FAM13A: variants seen among roughly 807,000 people sequenced by gnomAD.
FAM13A encodes protein FAM13A.
In FAM13A, 76 loss-of-function variants were observed where a neutral mutation model predicts 129.6. The observed-to-expected ratio is 0.59, with a 90% CI of 0.49 to 0.71. FAM13A has a LOEUF of 0.71. Ranked by LOEUF, FAM13A falls within the 30% of genes least tolerant of loss-of-function variation. The pLI is 0.00. For missense variants in FAM13A, 1,108 were observed against 1,249.3 expected (o/e 0.89, Z 1.70); for synonymous variants, 443 against 449.9 (o/e 0.98, Z 0.20).
intron 5 of FAM13A, among the ~76,000 whole-genome samples, chr4:88,924,253 C>T (rs1266349575): frequency 1.3e-5 from 2 of 152,174 alleles, no homozygotes; most frequent in Non-Finnish European, 2.9e-5. Flanking sequence ...CAAGTCAATC[C>T]TAAGCCAAAA....
chr4:88,938,009 A>T (rs777267856), intron 5 of FAM13A, 79 bp downstream of exon 5: 1 of 1,128,360 alleles, frequency 8.9e-7, no homozygotes, highest in Non-Finnish European at 1.3e-6. Flanking sequence ...TCCATATGGA[A>T]TTTTTATGAG....
At chr4:88,897,025 C>T (rs1049888417) in intron 6 of FAM13A, among the ~76,000 whole-genome samples, 1 of 152,132 alleles carries the variant, frequency 6.6e-6, no homozygotes, top group South Asian at 2.1e-4. Context: ...GAAGGAAGAT[C>T]GTTTTCTTCC....
chr4:88,771,944 A>G (rs1263813635), intron 11 of FAM13A, among the ~76,000 whole-genome samples: 2 of 152,224 alleles, frequency 1.3e-5, no homozygotes, highest in African/African-American at 4.8e-5. Flanking sequence ...AGTTCATTTT[A>G]GATTGTGGAA....
At chr4:88,975,544 T>C (rs373246831) in intron 4 of FAM13A, among the ~76,000 whole-genome samples, 1 of 152,200 alleles carries the variant, frequency 6.6e-6, no homozygotes, top group East Asian at 1.9e-4. Context: ...AGACATATAG[T>C]ACTAATTTTC....
chr4:88,983,703 C>T (rs762507979), intron 4 of FAM13A, among the ~76,000 whole-genome samples: 3 of 152,030 alleles, frequency 2.0e-5, no homozygotes, highest in Non-Finnish European at 4.4e-5. Flanking sequence ...TTTAATTTTG[C>T]TAAAATGGCA....
At position 88,746,962 on chromosome 4, in the gene FAM13A, C is replaced by T. The variant is rs143036651; in HGVS notation, c.2436G>A (p.Leu812=). ...ANEKVALQKA[L]LYYESIHGRP... is the part of the protein sequence containing the mutation. ...GTCCATGAATGCTTTCATAATATAA[C>T]AGAGCTTTCTGCAGAGCCACTTTCT... The change falls in exon 19 of 24, where the codon CTG becomes CTA. Residue 812 remains leucine (L), a synonymous_variant. Transcript: ENST00000264344. 2.0e-3 allele frequency: 3,153 copies of T among 1,613,752 alleles called. 51 individuals are homozygous for T. The highest frequency in any genetic ancestry group is 2.5e-4 in the Non-Finnish European group (291 of 1,179,688).
intron 7 of FAM13A, among the ~76,000 whole-genome samples, chr4:88,821,230 G>T (rs929468856): frequency 1.3e-5 from 2 of 152,330 alleles, no homozygotes; most frequent in African/African-American, 4.8e-5. Context: ...ATAACCAAAG[G>T]TAGGTACAGG....
chr4:88,915,411 A>AAGT (rs572436904), intron 5 of FAM13A, among the ~76,000 whole-genome samples: 76 of 152,298 alleles, frequency 5.0e-4, no homozygotes, highest in African/African-American at 1.8e-3. Context: ...TGGCCCAGGG[A>AAGT]AGTAGAAATG....
chr4:88,873,388 T>C (rs938100502), intron 6 of FAM13A, among the ~76,000 whole-genome samples: 1 of 152,014 alleles, frequency 6.6e-6, no homozygotes, highest in African/African-American at 2.4e-5. Flanking sequence ...ATTGATAGAC[T>C]GCTAGCAAGA....
At chr4:88,774,715 A>C (rs1347589389) in intron 11 of FAM13A, among the ~76,000 whole-genome samples, 2 of 152,240 alleles carry the variant, frequency 1.3e-5, no homozygotes, top group Non-Finnish European at 2.9e-5. Flanking sequence ...TCAACTATGT[A>C]ATGGCAACGC....
At chr4:89,005,288 T>C (rs955062721) in intron 3 of FAM13A, among the ~76,000 whole-genome samples, 3 of 152,228 alleles carry the variant, frequency 2.0e-5, no homozygotes, top group Non-Finnish European at 2.9e-5. Flanking sequence ...GGTGTATATG[T>C]ATTATATTTT....
chr4:88,901,930 T>A (rs1368848722), intron 6 of FAM13A, among the ~76,000 whole-genome samples: 1 of 151,912 alleles, frequency 6.6e-6, no homozygotes, highest in Non-Finnish European at 1.5e-5. Context: ...CCCACAGAAA[T>A]ACAAACAACC....
In FAM13A at chr4:88,831,099, T is replaced by C. The variant is rs138893793; in HGVS notation, c.1007+19921A>G. Among the ~76,000 whole-genome samples, 59 of 152,298 alleles carry C rather than the reference T, an allele frequency of 3.9e-4. 1 individual carries two copies. In the East Asian group the frequency reaches 0.011, roughly 28 times the overall value. On this transcript the variant is annotated intron_variant, in intron 7 of 23. Transcript: ENST00000264344. Reference sequence around the variant, plus strand: ...CTTATGTAATTGTTCCTCAACTTTCTGGGACAGGGAAAAATCCACAGTTTT... The same window carrying C: ...CTTATGTAATTGTTCCTCAACTTTCCGGGACAGGGAAAAATCCACAGTTTT...
chr4:88,945,342 G>A (rs1755481057), intron 4 of FAM13A, among the ~76,000 whole-genome samples: 1 of 152,180 alleles, frequency 6.6e-6, no homozygotes, highest in Non-Finnish European at 1.5e-5. Context: ...TATAATGCCT[G>A]CTAGCACAAC....
At chr4:88,869,876 G>A (rs1184496457) in intron 6 of FAM13A, among the ~76,000 whole-genome samples, 2 of 152,182 alleles carry the variant, frequency 1.3e-5, no homozygotes, top group Non-Finnish European at 2.9e-5. Context: ...CTAACATGGT[G>A]AATTATTCAG....
At chr4:88,896,578 T>C (rs1052742966) in intron 6 of FAM13A, among the ~76,000 whole-genome samples, 1 of 152,206 alleles carries the variant, frequency 6.6e-6, no homozygotes, top group Non-Finnish European at 1.5e-5. Flanking sequence ...AAAAAATAAC[T>C]GTGACATGTC....
rs1374817943 is a variant in FAM13A, at chr4:88,756,018, C to T, written c.1726+2736G>A. On this transcript the variant is annotated intron_variant, in intron 14 of 23. Transcript: ENST00000264344. ...TGAATAGAGTAGCTGACTGCTTAAACCCCAGTGCTTACACAAGGAGTATCC... is the reference window on the plus strand; with the variant it reads ...TGAATAGAGTAGCTGACTGCTTAAATCCCAGTGCTTACACAAGGAGTATCC... Among the ~76,000 whole-genome samples the T allele has an allele frequency of 2.0e-5, 3 of 152,326 alleles. No homozygotes were observed. The East Asian group carries it at 5.8e-4, about 29-fold the overall frequency.
intron 4 of FAM13A, among the ~76,000 whole-genome samples, chr4:88,973,377 G>A (rs896407534): frequency 6.6e-6 from 1 of 151,854 alleles, no homozygotes; most frequent in Non-Finnish European, 1.5e-5. Flanking sequence ...AGTTTTGGAG[G>A]TTTCTATTGA....
At chr4:88,926,456 C>T (rs1423641267) in intron 5 of FAM13A, among the ~76,000 whole-genome samples, 1 of 152,138 alleles carries the variant, frequency 6.6e-6, no homozygotes, top group African/African-American at 2.4e-5. Context: ...CAAACAGTTC[C>T]AAAGTTTTGC....
Sources: gnomAD v4.1 joint callset for allele counts (sites outside exome capture counted in the v4.1 genomes callset) on GRCh38, gnomAD v4.1.1 for gene constraint, MANE v1.5 for transcripts, NCBI Gene and HGNC (gene_info 2026-07-23, HGNC 2026-07-21) for gene names.